The following HS2ST1 variants were observed in gnomAD, a reference collection of about 807,000 sequenced individuals.
HS2ST1 encodes heparan sulfate 2-O-sulfotransferase 1, also known as 2-O-sulfotransferase.
HS2ST1 carries 18 observed loss-of-function variants against 42.9 expected under a neutral mutation model. The ratio of observed to expected loss-of-function variants is 0.42; its 90% confidence interval spans 0.29 to 0.62. The LOEUF (loss-of-function observed/expected upper bound fraction) is 0.62, where lower values mean the gene tolerates loss of function less well. Among genes scored for constraint, HS2ST1 ranks in the 20% least tolerant of loss-of-function variants. The probability of loss-of-function intolerance (pLI) is 0.21; values close to 1 mark genes in which losing one functional copy is unlikely to be tolerated. For synonymous variants in HS2ST1, 146 were observed against 152.9 expected, an observed-to-expected ratio of 0.95 and a Z score of 0.33; for missense variants, 334 against 433.8, an observed-to-expected ratio of 0.77 and a Z score of 2.04.
At chr1:87,055,893 T>G (rs1207654686) in intron 1 of HS2ST1, among the ~76,000 whole-genome samples, 2 of 152,214 alleles carry the variant, frequency 1.3e-5, no homozygotes, top group South Asian at 2.1e-4. Flanking sequence ...TTGACTATTT[T>G]GTGTATGTCC....
chr1:87,097,942 G>A lies in HS2ST1; in HGVS notation c.686+7G>A, dbSNP rs1181663226. The A allele has an allele frequency of 1.9e-6, 3 of 1,613,738 alleles. No individual in the cohort carries two copies. Among genetic ancestry groups the A allele is most frequent in the East Asian group, 4.5e-5 (2 of 44,864 alleles). The stretch of plus-strand genomic sequence containing the variant: ...GCCATAGCTCCGAATGCTGGTAGGG[G>A]AGATAAAGTTGGCTCAGATTGATTA... On this transcript the variant is annotated splice_region_variant and intron_variant, in intron 5 of 6. Transcript: ENST00000370550.
intron 1 of HS2ST1, among the ~76,000 whole-genome samples, chr1:86,940,985 T>C (rs2102175427): frequency 6.6e-6 from 1 of 152,028 alleles, no homozygotes; most frequent in African/African-American, 2.4e-5. Flanking sequence ...AGACCCTGTC[T>C]CAAAAAAAGA....
intron 1 of HS2ST1, among the ~76,000 whole-genome samples, chr1:86,965,343 G>A (rs6688771): frequency 0.024 from 3,610 of 152,078 alleles, 77 homozygotes; most frequent in African/African-American, 0.049. Flanking sequence ...CTTGAACCTC[G>A]GTGGGCTTTT....
chr1:86,963,836 C>G (rs1185894562), intron 1 of HS2ST1, among the ~76,000 whole-genome samples: 25 of 145,174 alleles, frequency 1.7e-4, no homozygotes, highest in Non-Finnish European at 3.2e-4. Flanking sequence ...CGGGCGGGGG[C>G]TGCCCCCCAC....
chr1:87,088,698 A>G (rs940438912), intron 3 of HS2ST1, among the ~76,000 whole-genome samples: 4 of 152,108 alleles, frequency 2.6e-5, no homozygotes, highest in Non-Finnish European at 5.9e-5. Flanking sequence ...GCTGTTGTGT[A>G]TCCTCACTAG....
chr1:87,032,521 CT>C (rs986116299), intron 1 of HS2ST1, among the ~76,000 whole-genome samples: 17 of 152,158 alleles, frequency 1.1e-4, no homozygotes, highest in African/African-American at 3.4e-4. Context: ...TTGAAACTCC[CT>C]TTTTTATTAT....
chr1:87,004,461 A>G (rs1046169418), intron 1 of HS2ST1, among the ~76,000 whole-genome samples: 1 of 152,126 alleles, frequency 6.6e-6, no homozygotes, highest in African/African-American at 2.4e-5. Flanking sequence ...TTTTTACACA[A>G]AAGTCTATTT....
At chr1:87,046,677 A>T (rs1361533185) in intron 1 of HS2ST1, 2 of 1,456,856 alleles carry the variant, frequency 1.4e-6, no homozygotes, top group East Asian at 4.6e-5. Flanking sequence ...GGCCTGAAAG[A>T]CCGGCAGGTT....
rs563315363 is a variant in HS2ST1 at position 87,109,655 on chromosome 1, T to G, written c.*4959T>G. On this transcript the variant is annotated 3_prime_UTR_variant, in exon 7 of 7. Coordinates refer to ENST00000370550, the MANE Select transcript of HS2ST1 (RefSeq NM_012262.4). The stretch of plus-strand genomic sequence containing the variant: ...TTGCTTTGAGCAATGCTTGATTGAT[T>G]CTATTTATATTATATGATATTGGGT... 6.6e-6 allele frequency: 1 copy of G among 152,250 alleles called. No homozygotes were observed. Among genetic ancestry groups the G allele is most frequent in the African/African-American group, 2.4e-5 (1 of 41,562 alleles). The allele number at this position is 152,250 out of a possible 1,614,324, so 9.4% of individuals were successfully genotyped here. A position where few individuals can be genotyped will look rare whatever the true frequency, so the allele number is the denominator to read the frequency against.
chr1:86,981,212 CAT>C (rs1389943155), intron 1 of HS2ST1, among the ~76,000 whole-genome samples: 1 of 152,170 alleles, frequency 6.6e-6, no homozygotes, highest in East Asian at 1.9e-4. Context: ...GCTCCCTCAA[CAT>C]GTGGGGATTA....
At chr1:87,021,118 C>A (rs945374636) in intron 1 of HS2ST1, among the ~76,000 whole-genome samples, 14 of 152,282 alleles carry the variant, frequency 9.2e-5, no homozygotes, top group East Asian at 3.9e-4. Context: ...AAGATTTTCA[C>A]TGATTTGCCT....
intron 1 of HS2ST1, among the ~76,000 whole-genome samples, chr1:87,060,135 A>G (rs1029841758): frequency 2.6e-5 from 4 of 152,050 alleles, no homozygotes; most frequent in Admixed American, 2.6e-4. Flanking sequence ...TTAAATTTTG[A>G]GATAATTATA....
chr1:87,095,761 A>G (rs1406622134), intron 4 of HS2ST1, among the ~76,000 whole-genome samples: 10 of 152,112 alleles, frequency 6.6e-5, no homozygotes, highest in Non-Finnish European at 1.3e-4. Context: ...GGTTATATCT[A>G]TTGATATTTA....
At chr1:87,026,981 G>T (rs902844671) in intron 1 of HS2ST1, among the ~76,000 whole-genome samples, 4 of 152,148 alleles carry the variant, frequency 2.6e-5, no homozygotes, top group South Asian at 2.1e-4. Flanking sequence ...CCATAACATT[G>T]TAATACATGT....
At chr1:87,084,682 A>AGT (rs1301834185) in intron 3 of HS2ST1, among the ~76,000 whole-genome samples, 1 of 152,056 alleles carries the variant, frequency 6.6e-6, no homozygotes, top group African/African-American at 2.4e-5. Flanking sequence ...GACATACTGA[A>AGT]GTGTACACTT....
At chr1:87,078,652 C>T (rs1651607125) in intron 2 of HS2ST1, among the ~76,000 whole-genome samples, 1 of 152,172 alleles carries the variant, frequency 6.6e-6, no homozygotes, top group Admixed American at 6.5e-5. Flanking sequence ...AAGTTTTGCT[C>T]CTTTTTTGGC....
intron 1 of HS2ST1, among the ~76,000 whole-genome samples, chr1:87,043,205 TTTGA>T (rs1319168916): frequency 2.0e-5 from 3 of 152,074 alleles, no homozygotes; most frequent in African/African-American, 4.8e-5. Context: ...TTAAGTACTG[TTTGA>T]TTGGGAGATG....
rs1037527143 is a variant in HS2ST1 at position 87,105,753 on chromosome 1, A to G, written c.*1057A>G. ...TATGTCAAGTAAAACCATCAGACCTACTGTTCTTGTATTTCTCATTTAACT... is the reference window on the plus strand; with the variant it reads ...TATGTCAAGTAAAACCATCAGACCTGCTGTTCTTGTATTTCTCATTTAACT... On this transcript the variant is annotated 3_prime_UTR_variant, in exon 7 of 7. Coordinates refer to ENST00000370550, the MANE Select transcript of HS2ST1 (RefSeq NM_012262.4). The G allele has an allele frequency of 2.6e-5, 4 of 152,534 alleles. No homozygotes were observed. Among genetic ancestry groups the G allele is most frequent in the Admixed American group, 2.6e-4 (4 of 15,260 alleles). The allele number at this position is 152,534 out of a possible 1,614,324, so 9.4% of individuals were successfully genotyped here.
At chr1:87,062,538 C>T (rs934682572) in intron 1 of HS2ST1, among the ~76,000 whole-genome samples, 5 of 152,112 alleles carry the variant, frequency 3.3e-5, no homozygotes, top group Middle Eastern at 3.4e-3. Context: ...CACAGAATGC[C>T]GTAATAATTT....
Sources: gnomAD v4.1 joint callset for allele counts (sites outside exome capture counted in the v4.1 genomes callset) on GRCh38, gnomAD v4.1.1 for gene constraint, MANE v1.5 for transcripts, NCBI Gene and HGNC (gene_info 2026-07-23, HGNC 2026-07-21) for gene names.